MTBP: variants seen among roughly 807,000 people sequenced by gnomAD.
The protein encoded by MTBP is mdm2-binding protein.
Under a neutral mutation model 117.0 loss-of-function variants are expected in MTBP, and 101 were observed. The ratio of observed to expected loss-of-function variants is 0.86; its 90% CI spans 0.73 to 1.02. MTBP has a LOEUF of 1.02. Ranked by LOEUF, MTBP falls within the 50% of genes least tolerant of loss-of-function variation. The probability of loss-of-function intolerance (pLI) is 0.00; values close to 1 mark genes in which losing one functional copy is unlikely to be tolerated. For synonymous variants in MTBP, 350 were observed against 351.5 expected (o/e 1.00, Z 0.05); for missense variants, 970 against 1,030.9 (o/e 0.94, Z 0.81).
chr8:120,449,602 G>A (rs1422670242), intron 2 of MTBP, among the ~76,000 whole-genome samples: 1 of 152,102 alleles, frequency 6.6e-6, no homozygotes, highest in East Asian at 1.9e-4. Flanking sequence ...GAAGGCATGA[G>A]AAAGGATGGG....
chr8:120,495,088 T>A (rs969681117), intron 13 of MTBP, among the ~76,000 whole-genome samples: 1 of 152,178 alleles, frequency 6.6e-6, no homozygotes, highest in African/African-American at 2.4e-5. Context: ...CTCCTTTTTC[T>A]TGGATTATGC....
intron 5 of MTBP, 46 bp downstream of exon 5, chr8:120,453,951 A>G: frequency 9.3e-7 from 1 of 1,076,926 alleles, no homozygotes. Context: ...TTATCTTATT[A>G]CACTTTATGA....
chr8:120,497,261 A>T, intron 13 of MTBP, 132 bp from the exon 14 acceptor site: 1 of 770,238 alleles, frequency 1.3e-6, no homozygotes. Context: ...AAGGCCTACA[A>T]TCCTGAAAAC....
chr8:120,518,714 A>T lies in MTBP; in HGVS notation c.2507A>T (p.Glu836Val), dbSNP rs1424191143. 22 of 1,604,542 alleles carry T rather than the reference A, an allele frequency of 1.4e-5. No homozygotes were observed. The highest frequency in any genetic ancestry group is 1.8e-5 in the Non-Finnish European group (21 of 1,173,200). ...TATGTTCTGTTCAAGATACTGAAAG[A>T]AGTAGTTACTGAAACCCTGAAGAAA... ...RSQKHTRILK[E>V]VVTETLKKHS... Residue 836 changes from glutamate (E) to valine (V), a missense_variant, in exon 20 of 22, where the codon GAA (glutamate) becomes GTA (valine). Coordinates refer to ENST00000305949, the MANE Select transcript of MTBP (RefSeq NM_022045.5).
chr8:120,461,357 A>T (rs1307148593), intron 9 of MTBP, 102 bp downstream of exon 9: 18 of 778,104 alleles, frequency 2.3e-5, no homozygotes, highest in Non-Finnish European at 3.5e-5. Context: ...TATCTTTTTC[A>T]TTATATTCAC....
At chr8:120,458,124 G>A (rs1023514280) in intron 7 of MTBP, among the ~76,000 whole-genome samples, 2 of 152,042 alleles carry the variant, frequency 1.3e-5, no homozygotes, top group African/African-American at 2.4e-5. Context: ...TTAAATGTTC[G>A]TATCTCCACT....
intron 11 of MTBP, among the ~76,000 whole-genome samples, chr8:120,483,625 A>T (rs1044545794): frequency 6.6e-6 from 1 of 151,908 alleles, no homozygotes; most frequent in Non-Finnish European, 1.5e-5. Context: ...TTATATAAGA[A>T]TTTTTTTTGC....
At chr8:120,521,194 T>C (rs1033325727) in intron 20 of MTBP, among the ~76,000 whole-genome samples, 5 of 152,162 alleles carry the variant, frequency 3.3e-5, no homozygotes, top group Admixed American at 6.6e-5. Context: ...TTGCTGTACA[T>C]TTAGCCCATT....
intron 13 of MTBP, among the ~76,000 whole-genome samples, chr8:120,494,904 T>C (rs1814419011): frequency 6.6e-6 from 1 of 152,194 alleles, no homozygotes; most frequent in Non-Finnish European, 1.5e-5. Context: ...ATCATTAACA[T>C]TCATTGTGTA....
intron 9 of MTBP, among the ~76,000 whole-genome samples, chr8:120,461,633 C>T (rs1250507070): frequency 6.6e-6 from 1 of 152,164 alleles, no homozygotes. Flanking sequence ...GATCTACTCT[C>T]ACACCTAGCC....
chr8:120,483,007 C>CTTTT (rs71306885), intron 11 of MTBP, among the ~76,000 whole-genome samples: 1 of 140,046 alleles, frequency 7.1e-6, no homozygotes, highest in Non-Finnish European at 1.6e-5. Context: ...ACAGTACTAT[C>CTTTT]TTTTTTTTTT....
chr8:120,497,453 T>C lies in MTBP; in HGVS notation c.1508T>C (p.Leu503Ser), dbSNP rs748700302. The change falls in exon 14 of 22, where the codon TTA becomes TCA. Residue 503 changes from leucine (L) to serine (S), a missense_variant. Coordinates refer to ENST00000305949, the MANE Select transcript of MTBP (RefSeq NM_022045.5). ...TVSVAELKSL[L>S]VLTRKHFLDY... ...TCTGTTGCTGAACTCAAAAGTCTGT[T>C]AGTACTCACAAGGAAACACTTTTTA... is the stretch of plus-strand genomic sequence containing the variant. The C allele has an allele frequency of 2.5e-6, 4 of 1,609,146 alleles. No individual in the cohort carries two copies. The highest frequency in any genetic ancestry group is 2.2e-5 in the East Asian group (1 of 44,688).
At chr8:120,471,607 G>GT (rs1813818644) in intron 11 of MTBP, 1 of 152,228 alleles carries the variant, frequency 6.6e-6, no homozygotes, top group South Asian at 2.1e-4. Flanking sequence ...TTGACCTAAA[G>GT]TTTTTTATTT....
At chr8:120,448,810 G>A (rs1813278547) in intron 2 of MTBP, among the ~76,000 whole-genome samples, 1 of 152,186 alleles carries the variant, frequency 6.6e-6, no homozygotes, top group Non-Finnish European at 1.5e-5. Context: ...GAAACTGCCT[G>A]CGCTGAATTT....
At chr8:120,500,577 C>T (rs866468867) in intron 14 of MTBP, among the ~76,000 whole-genome samples, 4 of 152,190 alleles carry the variant, frequency 2.6e-5, no homozygotes, top group Middle Eastern at 3.4e-3. Context: ...AAGCTCATTA[C>T]TTTTTAAAAT....
At chr8:120,475,498 A>G (rs941736122) in intron 11 of MTBP, among the ~76,000 whole-genome samples, 13 of 152,006 alleles carry the variant, frequency 8.6e-5, no homozygotes, top group African/African-American at 3.1e-4. Flanking sequence ...TTGATGAAAT[A>G]AAAAATATGT....
chr8:120,455,670 AT>A, intron 6 of MTBP, 91 bp downstream of exon 6: 1 of 1,256,010 alleles, frequency 8.0e-7, no homozygotes, highest in Non-Finnish European at 1.1e-6. Flanking sequence ...GCGTTTGAAA[AT>A]TATTTTAATA....
chr8:120,518,620 T>A, intron 19 of MTBP, 84 bp from the exon 20 acceptor site: 1 of 820,356 alleles, frequency 1.2e-6, no homozygotes. Flanking sequence ...GAATGTGTAA[T>A]TCACAGGATT....
chr8:120,463,003 C>T (rs377731490), intron 9 of MTBP, among the ~76,000 whole-genome samples: 13 of 151,760 alleles, frequency 8.6e-5, no homozygotes, highest in African/African-American at 2.9e-4. Flanking sequence ...TTTTTGCTAC[C>T]ATTATGTTAA....
Sources: gnomAD v4.1 joint callset for allele counts (sites outside exome capture counted in the v4.1 genomes callset) on GRCh38, gnomAD v4.1.1 for gene constraint, MANE v1.5 for transcripts, NCBI Gene and HGNC (gene_info 2026-07-23, HGNC 2026-07-21) for gene names.